TMEM196: variants seen among roughly 807,000 people sequenced by gnomAD.
TMEM196 encodes transmembrane protein 196.
A neutral mutation model predicts 20.0 loss-of-function variants in TMEM196; 17 were observed. That is an observed-to-expected ratio of 0.85 (90% CI 0.58 to 1.27). TMEM196 has a LOEUF of 1.27. TMEM196 is among the 50% of genes most tolerant of loss of function. The pLI is 0.00. For missense variants in TMEM196, 267 were observed against 223.0 expected (o/e 1.20, Z -1.26); for synonymous variants, 113 against 88.9 (o/e 1.27, Z -1.52).
chr7:19,722,787 G>A (rs975597819), intron 4 of TMEM196, among the ~76,000 whole-genome samples: 4 of 152,084 alleles, frequency 2.6e-5, no homozygotes, highest in Non-Finnish European at 4.4e-5. Context: ...GGACAAACTA[G>A]CATTGAAAGT....
At chr7:19,725,008 G>A (rs767588012) in intron 3 of TMEM196, among the ~76,000 whole-genome samples, 9 of 152,188 alleles carry the variant, frequency 5.9e-5, no homozygotes, top group Non-Finnish European at 1.2e-4. Flanking sequence ...AAGTTTAGAT[G>A]AGAATTAAAT....
At chr7:19,760,226 T>C (rs1390511853) in intron 1 of TMEM196, among the ~76,000 whole-genome samples, 1 of 152,086 alleles carries the variant, frequency 6.6e-6, no homozygotes, top group Non-Finnish European at 1.5e-5. Flanking sequence ...AACAATGCTC[T>C]TCCCTCTATA....
chr7:19,737,529 A>C (rs1430139243), intron 1 of TMEM196, among the ~76,000 whole-genome samples: 1 of 152,016 alleles, frequency 6.6e-6, no homozygotes, highest in Non-Finnish European at 1.5e-5. Context: ...TTTCATAGAT[A>C]GATGGATAAA....
chr7:19,757,128 C>G (rs899531093), intron 1 of TMEM196, among the ~76,000 whole-genome samples: 1 of 151,320 alleles, frequency 6.6e-6, no homozygotes, highest in South Asian at 2.1e-4. Context: ...TTCTGATAAC[C>G]TATAGTGTAA....
chr7:19,724,244 C>T, intron 4 of TMEM196, 36 bp downstream of exon 4: 1 of 1,536,324 alleles, frequency 6.5e-7, no homozygotes, highest in Non-Finnish European at 8.8e-7. Flanking sequence ...TCTGCAGCGA[C>T]ATTACAACAT....
intron 1 of TMEM196, among the ~76,000 whole-genome samples, chr7:19,743,118 C>A (rs1020225723): frequency 6.6e-6 from 1 of 152,084 alleles, no homozygotes; most frequent in Non-Finnish European, 1.5e-5. Context: ...AGGCTCATTT[C>A]CCCCATCAAA....
chr7:19,755,600 G>T (rs1442839351), intron 1 of TMEM196, among the ~76,000 whole-genome samples: 1 of 152,196 alleles, frequency 6.6e-6, no homozygotes, highest in Non-Finnish European at 1.5e-5. Context: ...TTTGAGAAAT[G>T]CTGTACTGTA....
intron 1 of TMEM196, among the ~76,000 whole-genome samples, chr7:19,737,304 CAATT>C (rs1168353901): frequency 6.6e-6 from 1 of 151,864 alleles, no homozygotes; most frequent in Non-Finnish European, 1.5e-5. Context: ...ATTAAACAAA[CAATT>C]GATGTTATCA....
rs139985110 is a variant in TMEM196 at position 19,762,895 on chromosome 7, G to T, written c.147+9655C>A. Among the ~76,000 whole-genome samples, 359 of 152,300 alleles carry T rather than the reference G, an allele frequency of 2.4e-3. 5 individuals are homozygous for T. The highest frequency in any genetic ancestry group is 8.3e-3 in the African/African-American group (345 of 41,566). On this transcript the variant is annotated intron_variant, in intron 1 of 4. Coordinates refer to ENST00000405844, the MANE Select transcript of TMEM196 (RefSeq NM_001363562.2). Reference sequence around the variant, plus strand: ...GAATGTTCATCCAACATGCATAGCGGTTTCCGAAAGCTAGCCAGTTATGGA... The same window carrying T: ...GAATGTTCATCCAACATGCATAGCGTTTTCCGAAAGCTAGCCAGTTATGGA...
chr7:19,770,215 A>T (rs561175828), intron 1 of TMEM196, among the ~76,000 whole-genome samples: 1 of 152,178 alleles, frequency 6.6e-6, no homozygotes, highest in Non-Finnish European at 1.5e-5. Context: ...CTGAAGTCAC[A>T]TTCTAATTTC....
chr7:19,747,267 A>AC (rs1784790868), intron 1 of TMEM196, among the ~76,000 whole-genome samples: 1 of 102,908 alleles, frequency 9.7e-6, no homozygotes, highest in Admixed American at 9.1e-5. Flanking sequence ...AAAAATAAAT[A>AC]AATAAAATAA....
chr7:19,748,263 C>CAA (rs57276805), intron 1 of TMEM196, among the ~76,000 whole-genome samples: 2,593 of 20,760 alleles, frequency 0.12, 781 homozygotes, highest in East Asian at 0.35. Context: ...TGTGGCTGTC[C>CAA]AAAAAAAAAA....
At position 19,725,521 on chromosome 7, in the gene TMEM196, G is replaced by A. The variant is rs781172539; in HGVS notation, c.452C>T (p.Ala151Val). The change falls in exon 3 of 5, where the codon GCT (alanine) becomes GTT (valine). Residue 151 changes from alanine to valine, a missense_variant. Transcript: ENST00000405844. Reference sequence around the variant, plus strand: ...AAAAGGTACAAAACTCACTTTCTCAGCCATTTCATGAGAGTGATGCAGGGA... The same window carrying A: ...AAAAGGTACAAAACTCACTTTCTCAACCATTTCATGAGAGTGATGCAGGGA... ...EHSLHHSHEMAEKRLRAIEIT... is the reference protein window; with the variant it reads ...EHSLHHSHEMVEKRLRAIEIT... 4.4e-6 allele frequency: 7 copies of A among 1,604,580 alleles called. No homozygotes were observed. Among genetic ancestry groups the A allele is most frequent in the Non-Finnish European group, 6.0e-6 (7 of 1,172,050 alleles).
chr7:19,730,149 C>T (rs1784148761), intron 1 of TMEM196, among the ~76,000 whole-genome samples: 1 of 151,606 alleles, frequency 6.6e-6, no homozygotes, highest in Admixed American at 6.6e-5. Context: ...CCAGCTATTC[C>T]GGAGGCTGAG....
Position 19,719,959 on chromosome 7 carries a change from T to C in TMEM196, c.*2169A>G, listed in dbSNP as rs982087953. On this transcript the variant is annotated 3_prime_UTR_variant, in exon 5 of 5. Transcript: ENST00000405844. ...GCATTACAACATTTTTCTGATGTAT[T>C]ATAATTTTGTATTGAACAAGCATGT... is the stretch of plus-strand genomic sequence containing the variant. 5.3e-5 allele frequency: 8 copies of C among 152,096 alleles called. No homozygotes were observed. The highest frequency in any genetic ancestry group is 1.0e-4 in the Non-Finnish European group (7 of 67,928). 9.4% of individuals were successfully genotyped at this position (152,096 alleles called of 1,614,324 possible). A position where few individuals can be genotyped will look rare whatever the true frequency, so the allele number is the denominator to read the frequency against.
At chr7:19,767,841 G>A (rs1785701232) in intron 1 of TMEM196, among the ~76,000 whole-genome samples, 1 of 151,972 alleles carries the variant, frequency 6.6e-6, no homozygotes, top group Admixed American at 6.6e-5. Context: ...CAGTAACTGA[G>A]AGGTTTCTTT....
chr7:19,726,993 A>T (rs150733006), intron 2 of TMEM196, among the ~76,000 whole-genome samples: 40 of 152,306 alleles, frequency 2.6e-4, no homozygotes, highest in African/African-American at 9.1e-4. Flanking sequence ...GGCACAAATT[A>T]AGTCCTAACT....
At chr7:19,748,083 G>A (rs1562619326) in intron 1 of TMEM196, among the ~76,000 whole-genome samples, 1 of 151,714 alleles carries the variant, frequency 6.6e-6, no homozygotes, top group African/African-American at 2.4e-5. Context: ...TCTCTCCCAT[G>A]CATATTTATT....
intron 4 of TMEM196, among the ~76,000 whole-genome samples, chr7:19,723,596 A>T (rs1015856037): frequency 2.0e-5 from 3 of 152,170 alleles, no homozygotes; most frequent in Admixed American, 2.0e-4. Flanking sequence ...TTTGCAAAAA[A>T]ATTTGCAAAT....
Sources: allele counts gnomAD v4.1 joint callset (sites outside exome capture counted in the v4.1 genomes callset), GRCh38; gene constraint gnomAD v4.1.1; transcripts MANE v1.5; gene names NCBI Gene and HGNC (gene_info 2026-07-23, HGNC 2026-07-21).